SLC12A8: variants seen among roughly 807,000 people sequenced by gnomAD.
The protein encoded by SLC12A8 is solute carrier family 12 member 8.
Under a neutral mutation model 75.6 loss-of-function variants are expected in SLC12A8, and 69 were observed. That is an observed-to-expected ratio of 0.91 (90% CI 0.75 to 1.11). The LOEUF (loss-of-function observed/expected upper bound fraction) is 1.11, where lower values mean the gene tolerates loss of function less well. Ranked by LOEUF, SLC12A8 falls within the 50% of genes most tolerant of loss-of-function variation. The pLI, the probability that SLC12A8 is intolerant of heterozygous loss-of-function variation, is 0.00. For synonymous variants in SLC12A8, 365 were observed against 372.8 expected (o/e 0.98, Z 0.24); for missense variants, 877 against 896.7 (o/e 0.98, Z 0.28).
intron 10 of SLC12A8, among the ~76,000 whole-genome samples, chr3:125,100,144 G>T (rs1257945279): frequency 6.6e-6 from 1 of 152,148 alleles, no homozygotes; most frequent in Non-Finnish European, 1.5e-5. Context: ...AGTCTCAGAG[G>T]CCTAATGGGA....
At chr3:125,207,125 C>G (rs1179307049) in intron 2 of SLC12A8, among the ~76,000 whole-genome samples, 1 of 152,202 alleles carries the variant, frequency 6.6e-6, no homozygotes, top group African/African-American at 2.4e-5. Context: ...TCTCAGCGAC[C>G]TGGAAACTCC....
chr3:125,123,938 AAT>A (rs1933127468), intron 6 of SLC12A8, among the ~76,000 whole-genome samples: 1 of 152,166 alleles, frequency 6.6e-6, no homozygotes, highest in African/African-American at 2.4e-5. Flanking sequence ...ACACCACAGC[AAT>A]ATATGCTTCT....
chr3:125,140,494 C>G (rs1168345494), intron 5 of SLC12A8, among the ~76,000 whole-genome samples: 1 of 152,128 alleles, frequency 6.6e-6, no homozygotes, highest in Non-Finnish European at 1.5e-5. Context: ...GAGATCATGG[C>G]ATCTCCCCCG....
intron 9 of SLC12A8, 121 bp downstream of exon 9, chr3:125,110,068 T>C: frequency 9.2e-7 from 1 of 1,090,108 alleles, no homozygotes; most frequent in Admixed American, 2.2e-5. Context: ...ATTTTCTGTG[T>C]CACCCCAAAG....
intron 5 of SLC12A8, among the ~76,000 whole-genome samples, chr3:125,163,201 C>G (rs574035454): frequency 1.3e-5 from 2 of 151,652 alleles, no homozygotes; most frequent in African/African-American, 4.8e-5. Context: ...AGGAGGCTGA[C>G]AAGTGGGAGA....
chr3:125,128,180 T>TA (rs1343182793), intron 6 of SLC12A8, among the ~76,000 whole-genome samples: 2 of 111,212 alleles, frequency 1.8e-5, no homozygotes, highest in East Asian at 2.3e-4. Context: ...TAAGCTTATT[T>TA]TTATTTTTTT....
intron 8 of SLC12A8, among the ~76,000 whole-genome samples, chr3:125,118,515 G>A (rs1932950518): frequency 6.6e-6 from 1 of 152,152 alleles, no homozygotes; most frequent in Non-Finnish European, 1.5e-5. Context: ...TGTAGTCCCA[G>A]CTACCTGGCG....
chr3:125,107,257 A>C (rs538546840), intron 10 of SLC12A8, among the ~76,000 whole-genome samples: 1 of 152,254 alleles, frequency 6.6e-6, no homozygotes. Flanking sequence ...CAGGTCTAAC[A>C]TACAGGAGTA....
At chr3:125,173,452 C>CAAAAAAAAAAA (rs61001520) in intron 5 of SLC12A8, among the ~76,000 whole-genome samples, 19 of 79,650 alleles carry the variant, frequency 2.4e-4, no homozygotes, top group East Asian at 4.3e-4. Context: ...ATTCATGAGC[C>CAAAAAAAAAAA]AAAAAAAAAA....
chr3:125,185,836 C>CA (rs1281760002), intron 4 of SLC12A8, among the ~76,000 whole-genome samples: 15 of 152,218 alleles, frequency 9.9e-5, no homozygotes, highest in African/African-American at 3.6e-4. Context: ...AGACAGTGAC[C>CA]AGGGGGACTC....
intron 5 of SLC12A8, among the ~76,000 whole-genome samples, chr3:125,141,986 G>GC (rs1933658473): frequency 6.6e-6 from 1 of 152,156 alleles, no homozygotes; most frequent in African/African-American, 2.4e-5. Context: ...GAAGTGGTAG[G>GC]CCCCGGAGAC....
intron 5 of SLC12A8, among the ~76,000 whole-genome samples, chr3:125,175,079 C>A (rs1934490960): frequency 6.6e-6 from 1 of 152,132 alleles, no homozygotes; most frequent in Non-Finnish European, 1.5e-5. Flanking sequence ...TTTGTACTAT[C>A]TGCTTAATTT....
At chr3:125,115,494 G>C (rs192961122) in intron 8 of SLC12A8, among the ~76,000 whole-genome samples, 7 of 151,962 alleles carry the variant, frequency 4.6e-5, no homozygotes, top group African/African-American at 1.7e-4. Context: ...TTGCACTCCA[G>C]CTTGGGCAAC....
intron 5 of SLC12A8, among the ~76,000 whole-genome samples, chr3:125,144,595 T>A (rs1933728029): frequency 6.6e-6 from 1 of 151,848 alleles, no homozygotes; most frequent in Non-Finnish European, 1.5e-5. Flanking sequence ...TAACGGGAAG[T>A]CTCCACCCTG....
At chr3:125,131,884 C>G (rs2948826) in intron 6 of SLC12A8, among the ~76,000 whole-genome samples, 11,058 of 152,166 alleles carry the variant, frequency 0.073, 487 homozygotes, top group Admixed American at 0.095. Context: ...AAATGAGGAC[C>G]TGGAACCCCC....
Position 125,120,703 on chromosome 3 carries a change from T to C in SLC12A8, c.737-17A>G, listed in dbSNP as rs1373968739. The C allele has an allele frequency of 3.1e-6, 5 of 1,601,912 alleles. No individual in the cohort carries two copies. Among genetic ancestry groups the C allele is most frequent in the African/African-American group, 1.3e-5 (1 of 74,662 alleles). On this transcript the variant is annotated splice_polypyrimidine_tract_variant and intron_variant, in intron 6 of 13. Coordinates refer to ENST00000469902, the MANE Select transcript of SLC12A8 (RefSeq NM_024628.6). ...CCATGACTCCTGAAAGACACCCAGATGGGGAATGGGGTGAGCAGCCTCCTC... is the reference window on the plus strand; with the variant it reads ...CCATGACTCCTGAAAGACACCCAGACGGGGAATGGGGTGAGCAGCCTCCTC...
At chr3:125,195,535 C>T (rs977928312) in intron 2 of SLC12A8, among the ~76,000 whole-genome samples, 1 of 151,856 alleles carries the variant, frequency 6.6e-6, no homozygotes, top group Non-Finnish European at 1.5e-5. Flanking sequence ...TCTCTTCTAC[C>T]ACAGAGCTGG....
At chr3:125,086,607 A>G (rs1938466359) in intron 13 of SLC12A8, among the ~76,000 whole-genome samples, 1 of 152,194 alleles carries the variant, frequency 6.6e-6, no homozygotes, top group Non-Finnish European at 1.5e-5. Context: ...CACAGAATCT[A>G]TTTCCATTTA....
rs3732500 is a variant in SLC12A8, at chr3:125,084,256, C to G, written c.1983-204G>C. Among the ~76,000 whole-genome samples the G allele has an allele frequency of 0.61, 92,377 of 151,554 alleles. 29,198 individuals carry two copies. Among genetic ancestry groups the G allele is most frequent in the African/African-American group, 0.78 (32,208 of 41,292 alleles). On this transcript the variant is annotated intron_variant, in intron 13 of 13. Transcript: ENST00000469902. ...AAGTATCAAATAAAATAAAAAGAGA[C>G]AGAGAGAGTGATATTTACCCTCCCT...
Sources: allele counts gnomAD v4.1 joint callset (sites outside exome capture counted in the v4.1 genomes callset), GRCh38; gene constraint gnomAD v4.1.1; transcripts MANE v1.5; gene names NCBI Gene and HGNC (gene_info 2026-07-23, HGNC 2026-07-21).